FHIT: variants seen among roughly 807,000 people sequenced by gnomAD.
FHIT encodes bis(5'-adenosyl)-triphosphatase.
In FHIT, 19 loss-of-function variants were observed where a neutral mutation model predicts 17.9. The ratio of observed to expected loss-of-function variants is 1.06; its 90% CI spans 0.74 to 1.56. FHIT has a LOEUF of 1.56. FHIT is among the 40% of genes most tolerant of loss of function. The probability of loss-of-function intolerance (pLI) is 0.00; values close to 1 mark genes in which losing one functional copy is unlikely to be tolerated. For synonymous variants in FHIT, 81 were observed against 69.7 expected, an observed-to-expected ratio of 1.16 and a Z score of -0.81; for missense variants, 248 against 189.2, an observed-to-expected ratio of 1.31 and a Z score of -1.82.
chr3:61,212,314 G>C (rs534667798), intron 1 of FHIT, among the ~76,000 whole-genome samples: 1 of 152,356 alleles, frequency 6.6e-6, no homozygotes, highest in Non-Finnish European at 1.5e-5. Context: ...TAAAGGAGCT[G>C]ATGGAGCTGA....
intron 3 of FHIT, among the ~76,000 whole-genome samples, chr3:61,034,243 C>T (rs1431266183): frequency 6.6e-6 from 1 of 151,804 alleles, no homozygotes; most frequent in African/African-American, 2.4e-5. Context: ...GCACAAGCAA[C>T]AAAAGAAAAA....
intron 9 of FHIT, 66 bp downstream of exon 9, chr3:59,752,155 T>A: frequency 8.7e-7 from 1 of 1,150,574 alleles, no homozygotes; most frequent in Non-Finnish European, 1.3e-6. Context: ...ATCCCCATTC[T>A]GAGAGTGCAG....
chr3:60,793,845 T>C (rs1700876331), intron 4 of FHIT, among the ~76,000 whole-genome samples: 1 of 152,130 alleles, frequency 6.6e-6, no homozygotes, highest in African/African-American at 2.4e-5. Flanking sequence ...TCAGCAGACC[T>C]AGTGAAGCCA....
intron 5 of FHIT, among the ~76,000 whole-genome samples, chr3:60,051,488 T>A (rs980816539): frequency 6.6e-6 from 1 of 152,028 alleles, no homozygotes; most frequent in Non-Finnish European, 1.5e-5. Context: ...AATCAAAGAC[T>A]ACCTAGAACA....
chr3:60,271,501 T>G (rs1706865410), intron 5 of FHIT, among the ~76,000 whole-genome samples: 1 of 152,226 alleles, frequency 6.6e-6, no homozygotes, highest in Non-Finnish European at 1.5e-5. Context: ...TTAGCATCTC[T>G]GATAATGGAT....
chr3:60,078,733 T>G (rs1052410761), intron 5 of FHIT, among the ~76,000 whole-genome samples: 1 of 152,124 alleles, frequency 6.6e-6, no homozygotes, highest in African/African-American at 2.4e-5. Context: ...GTAACTTGCT[T>G]TCAAATATTT....
rs75728451 is a variant in FHIT at position 61,013,405 on chromosome 3, G to T, written c.-111+28642C>A. Among the ~76,000 whole-genome samples the T allele has an allele frequency of 3.3e-5, 5 of 152,250 alleles. No individual in the cohort carries two copies. The East Asian group carries it at 9.7e-4, about 29-fold the overall frequency. ...GCTTTACCCTAAGACTCATTACAGC[G>T]TTCTTTCAAATAACAATCTTCTCCA... is the stretch of plus-strand genomic sequence containing the variant. On this transcript the variant is annotated intron_variant, in intron 3 of 9. Transcript: ENST00000492590.
chr3:60,223,606 C>T (rs917019199), intron 5 of FHIT, among the ~76,000 whole-genome samples: 1 of 152,170 alleles, frequency 6.6e-6, no homozygotes, highest in Non-Finnish European at 1.5e-5. Flanking sequence ...CTTTTCATTA[C>T]TCAGTGATTT....
intron 4 of FHIT, among the ~76,000 whole-genome samples, chr3:60,756,298 G>A (rs77774677): frequency 0.011 from 1,700 of 152,226 alleles, 13 homozygotes; most frequent in Non-Finnish European, 0.018. Context: ...ATTGTACAAG[G>A]TTTCAATGCC....
chr3:59,971,792 C>T (rs1171993622), intron 7 of FHIT, among the ~76,000 whole-genome samples: 2 of 152,160 alleles, frequency 1.3e-5, no homozygotes, highest in South Asian at 2.1e-4. Context: ...TCAGTTTTCT[C>T]GTCTATACTG....
chr3:59,983,041 C>T (rs1003167769), intron 7 of FHIT, among the ~76,000 whole-genome samples: 1 of 151,934 alleles, frequency 6.6e-6, no homozygotes, highest in South Asian at 2.1e-4. Flanking sequence ...CTGGCTCAAG[C>T]GATCCTCCCA....
At chr3:60,789,314 C>T (rs1053696987) in intron 4 of FHIT, among the ~76,000 whole-genome samples, 1 of 151,722 alleles carries the variant, frequency 6.6e-6, no homozygotes, top group East Asian at 1.9e-4. Flanking sequence ...GTCAAGAGAT[C>T]GATACCATCC....
chr3:60,907,491 A>T (rs1323534839), intron 3 of FHIT, among the ~76,000 whole-genome samples: 1 of 152,230 alleles, frequency 6.6e-6, no homozygotes, highest in Non-Finnish European at 1.5e-5. Flanking sequence ...GGAAAAAGAG[A>T]CATTACAAGG....
At chr3:59,930,117 G>A (rs1223172270) in intron 7 of FHIT, among the ~76,000 whole-genome samples, 2 of 152,132 alleles carry the variant, frequency 1.3e-5, no homozygotes, top group Non-Finnish European at 2.9e-5. Flanking sequence ...AGGTGTGAGG[G>A]AACTAGCGTA....
intron 8 of FHIT, among the ~76,000 whole-genome samples, chr3:59,887,891 C>A (rs1038867271): frequency 3.9e-5 from 6 of 152,164 alleles, no homozygotes; most frequent in Non-Finnish European, 8.8e-5. Flanking sequence ...TGGTCTCTCC[C>A]TGGATTTTAT....
intron 5 of FHIT, among the ~76,000 whole-genome samples, chr3:60,237,388 A>G (rs1268559024): frequency 6.6e-6 from 1 of 151,760 alleles, no homozygotes; most frequent in Non-Finnish European, 1.5e-5. Flanking sequence ...GTTCAAGTGA[A>G]ATATACCAAG....
rs1001939868 is a variant in FHIT, at chr3:60,282,681, G to A, written c.103+254179C>T. On this transcript the variant is annotated intron_variant, in intron 5 of 9. Coordinates refer to ENST00000492590, the MANE Select transcript of FHIT (RefSeq NM_002012.4). The stretch of plus-strand genomic sequence containing the variant: ...ACTTGGTGGTGGGGCGGGGATGGGG[G>A]AATAGTGGCGACACGGAAGGAAAAT... 6.6e-5 allele frequency among the ~76,000 whole-genome samples: 10 copies of A among 152,016 alleles called. 1 individual carries two copies. Among genetic ancestry groups the A allele is most frequent in the Middle Eastern group, 3.2e-3 (1 of 314 alleles).
intron 3 of FHIT, among the ~76,000 whole-genome samples, chr3:60,834,470 G>C (rs1553743366): frequency 1.3e-5 from 2 of 151,284 alleles, no homozygotes; most frequent in African/African-American, 4.8e-5. Context: ...TGTTGAGTTT[G>C]AAAATTCTTT....
At chr3:61,045,267 AAAAT>A (rs748144066) in intron 2 of FHIT, among the ~76,000 whole-genome samples, 5 of 152,232 alleles carry the variant, frequency 3.3e-5, no homozygotes, top group Admixed American at 2.0e-4. Flanking sequence ...ACACAGGCTC[AAAAT>A]AAAGGGATGG....
Sources: gnomAD v4.1 joint callset for allele counts (sites outside exome capture counted in the v4.1 genomes callset) on GRCh38, gnomAD v4.1.1 for gene constraint, MANE v1.5 for transcripts, NCBI Gene and HGNC (gene_info 2026-07-23, HGNC 2026-07-21) for gene names.